Variants in DYM observed in about 807,000 individuals in gnomAD.
DYM encodes the protein dymeclin, also known as dyggve-Melchior-Clausen syndrome protein.
In DYM, 78 loss-of-function variants were observed where a neutral mutation model predicts 93.1. That is an observed-to-expected ratio of 0.84 (90% CI 0.70 to 1.01). The LOEUF is 1.01. DYM is among the 50% of genes least tolerant of loss of function. The probability of loss-of-function intolerance (pLI) is 0.00; values close to 1 mark genes in which losing one functional copy is unlikely to be tolerated. For missense variants in DYM, 789 were observed against 845.0 expected (o/e 0.93, Z 0.82); for synonymous variants, 321 against 319.7 (o/e 1.00, Z -0.04).
chr18:49,272,175 T>C lies in DYM; in HGVS notation c.1251+3A>G. On this transcript the variant is annotated splice_donor_region_variant and intron_variant, in intron 11 of 17. Transcript: ENST00000675505. ...AACTCTAATCCAAGTAATGGTAACT[T>C]ACCACTTCATGAATGGATCTGTTGA... is the stretch of plus-strand genomic sequence containing the variant. 6.2e-7 allele frequency: 1 copy of C among 1,612,084 alleles called. No individual in the cohort carries two copies. The highest frequency in any genetic ancestry group is 8.5e-7 in the Non-Finnish European group (1 of 1,178,568).
intron 14 of DYM, among the ~76,000 whole-genome samples, chr18:49,198,251 G>C (rs201847253): frequency 0.081 from 12,235 of 151,892 alleles, 749 homozygotes; most frequent in East Asian, 0.29. Context: ...TAAAGACTTA[G>C]ATGTTAGACC....
intron 5 of DYM, among the ~76,000 whole-genome samples, chr18:49,365,793 AT>A (rs1438619146): frequency 1.3e-5 from 2 of 152,198 alleles, no homozygotes; most frequent in African/African-American, 4.8e-5. Context: ...ATGGTGCCTG[AT>A]TTGATTTTTT....
intron 17 of DYM, among the ~76,000 whole-genome samples, chr18:49,079,855 TC>T (rs1328256225): frequency 3.3e-5 from 5 of 150,788 alleles, no homozygotes; most frequent in African/African-American, 1.2e-4. Context: ...TTCCCCACCT[TC>T]CCCCCCTTTC....
At chr18:49,174,737 T>G (rs955050355) in intron 14 of DYM, among the ~76,000 whole-genome samples, 1 of 152,114 alleles carries the variant, frequency 6.6e-6, no homozygotes, top group African/African-American at 2.4e-5. Context: ...GGTTAGAAGA[T>G]TGTAAAGACG....
intron 17 of DYM, among the ~76,000 whole-genome samples, chr18:49,067,427 GA>G (rs1568366430): frequency 7.2e-5 from 11 of 151,788 alleles, no homozygotes; most frequent in South Asian, 2.1e-4. Flanking sequence ...AGGTTCAGTA[GA>G]GGAAGGAGTA....
chr18:49,119,643 T>C (rs916797898), intron 15 of DYM, among the ~76,000 whole-genome samples: 10 of 152,148 alleles, frequency 6.6e-5, no homozygotes, highest in Admixed American at 1.3e-4. Flanking sequence ...TCTAAAACAA[T>C]TATCAACAAA....
At chr18:49,439,421 T>C (rs1170525006) in intron 1 of DYM, among the ~76,000 whole-genome samples, 2 of 152,182 alleles carry the variant, frequency 1.3e-5, no homozygotes, top group Non-Finnish European at 2.9e-5. Flanking sequence ...AAGCTGCAAT[T>C]ACGTAAAAGC....
chr18:49,171,215 G>C (rs552689424), intron 14 of DYM, among the ~76,000 whole-genome samples: 13 of 152,268 alleles, frequency 8.5e-5, no homozygotes, highest in Admixed American at 3.3e-4. Context: ...CAGAGTGCTA[G>C]AGTAATGCTC....
chr18:49,430,793 G>A (rs1170222564), intron 1 of DYM, among the ~76,000 whole-genome samples: 2 of 151,090 alleles, frequency 1.3e-5, no homozygotes, highest in African/African-American at 4.9e-5. Context: ...GCTGAGGCAA[G>A]AGAATCACAT....
At chr18:49,391,385 C>T in intron 3 of DYM, 2 of 558,552 alleles carry the variant, frequency 3.6e-6, no homozygotes, top group Non-Finnish European at 6.6e-6. Context: ...AGTCCATTAC[C>T]ACTACTGCAG....
intron 14 of DYM, among the ~76,000 whole-genome samples, chr18:49,198,054 C>T (rs2091639644): frequency 6.6e-6 from 1 of 152,134 alleles, no homozygotes; most frequent in African/African-American, 2.4e-5. Context: ...TGGAACAGAA[C>T]AGAGCCCTCA....
intron 17 of DYM, among the ~76,000 whole-genome samples, chr18:49,059,884 C>G (rs1382689981): frequency 6.6e-6 from 1 of 152,126 alleles, no homozygotes; most frequent in Non-Finnish European, 1.5e-5. Context: ...GATGTTAATT[C>G]TGGACATTAT....
At chr18:49,086,721 G>A (rs533132119) in intron 17 of DYM, among the ~76,000 whole-genome samples, 3 of 151,948 alleles carry the variant, frequency 2.0e-5, no homozygotes, top group African/African-American at 4.8e-5. Context: ...GGCTGGGCGC[G>A]GTGGCTCTGT....
chr18:49,301,397 T>TACAGTCCC (rs1251742639), intron 8 of DYM, among the ~76,000 whole-genome samples: 3 of 151,518 alleles, frequency 2.0e-5, no homozygotes, highest in Admixed American at 2.0e-4. Context: ...GGTGGGCGCC[T>TACAGTCCC]ACAGTCCCAG....
chr18:49,294,514 G>A (rs1287919657), intron 8 of DYM, among the ~76,000 whole-genome samples: 1 of 151,940 alleles, frequency 6.6e-6, no homozygotes, highest in Non-Finnish European at 1.5e-5. Flanking sequence ...GACAATTCAA[G>A]TTTTTTAAAG....
chr18:49,050,071 G>C (rs2072189161), intron 17 of DYM, among the ~76,000 whole-genome samples: 1 of 149,744 alleles, frequency 6.7e-6, no homozygotes, highest in Non-Finnish European at 1.5e-5. Flanking sequence ...TGGACAGAGA[G>C]GTAACTTCCT....
chr18:49,306,834 C>T (rs1460394871), intron 8 of DYM, among the ~76,000 whole-genome samples: 3 of 152,098 alleles, frequency 2.0e-5, no homozygotes, highest in African/African-American at 4.8e-5. Flanking sequence ...GAAGATTCTT[C>T]GTGTAATTCA....
intron 1 of DYM, among the ~76,000 whole-genome samples, chr18:49,444,344 A>G (rs942106308): frequency 4.6e-5 from 7 of 152,208 alleles, no homozygotes; most frequent in Admixed American, 4.6e-4. Context: ...CCAGGCTGAG[A>G]CAAATTTTTC....
rs139766314 is a variant in DYM at position 49,437,588 on chromosome 18, G to T, written c.-53-7141C>A. ...AGTAGACAGATATGATAAATCCAGA[G>T]AAATAGAATTGCTGGGTCAAAGGGT... On this transcript the variant is annotated intron_variant, in intron 1 of 17. Coordinates refer to ENST00000675505, the MANE Select transcript of DYM (RefSeq NM_001353214.3). 2.5e-3 allele frequency among the ~76,000 whole-genome samples: 377 copies of T among 152,200 alleles called. 4 individuals carry two copies. Among genetic ancestry groups the T allele is most frequent in the African/African-American group, 7.6e-3 (317 of 41,540 alleles).
Sources: allele counts gnomAD v4.1 joint callset (sites outside exome capture counted in the v4.1 genomes callset), GRCh38; gene constraint gnomAD v4.1.1; transcripts MANE v1.5; gene names NCBI Gene and HGNC (gene_info 2026-07-23, HGNC 2026-07-21).